Variants in NCBP2AS2 observed in about 807,000 individuals in gnomAD.
NCBP2AS2 encodes protein NCBP2AS2.
For synonymous variants in NCBP2AS2, 67 were observed against 28.0 expected (o/e 2.39, Z -4.40); for missense variants, 125 against 56.0 (o/e 2.23, Z -3.93).
Position 196,943,223 on chromosome 3 carries a change from G to GACC in NCBP2AS2, c.*207_*208insACC. On this transcript the variant is annotated 3_prime_UTR_variant, in exon 1 of 1. Transcript: ENST00000602845. ...TTGGACAAGACACAGTGTGGAGACA[G>GACC]CCCTAAGCCTAACAGAGATGAAGGT... The GACC allele has an allele frequency of 3.7e-6, 2 of 534,724 alleles. No homozygotes were observed. The highest frequency in any genetic ancestry group is 3.4e-5 in the East Asian group (1 of 29,596). The allele number at this position is 534,724 out of a possible 1,614,324, so 33.1% of individuals were successfully genotyped here. A position where few individuals can be genotyped will look rare whatever the true frequency, so the allele number is the denominator to read the frequency against.
Position 196,943,063 on chromosome 3 carries a change from C to A in NCBP2AS2, c.*47C>A. On this transcript the variant is annotated 3_prime_UTR_variant, in exon 1 of 1. Coordinates refer to ENST00000602845, the MANE Select transcript of NCBP2AS2 (RefSeq NM_001355243.2). Reference sequence around the variant, plus strand: ...GGCCGCTTGCTTTTCCTTCCGGGCTCTACAGTGGCATCAATGTGGAGGGGT... The same window carrying A: ...GGCCGCTTGCTTTTCCTTCCGGGCTATACAGTGGCATCAATGTGGAGGGGT... 1.6e-6 allele frequency: 1 copy of A among 642,860 alleles called. No homozygotes were observed. Among genetic ancestry groups the A allele is most frequent in the Non-Finnish European group, 2.7e-6 (1 of 364,346 alleles). The allele number at this position is 642,860 out of a possible 1,614,324, so 39.8% of individuals were successfully genotyped here. A position where few individuals can be genotyped will look rare whatever the true frequency, so the allele number is the denominator to read the frequency against.
chr3:196,943,514 G>A lies in NCBP2AS2; in HGVS notation c.*498G>A, dbSNP rs187414617. The A allele has an allele frequency of 1.0e-3, 159 of 154,876 alleles. 1 individual carries two copies. Among genetic ancestry groups the A allele is most frequent in the Non-Finnish European group, 1.1e-3 (75 of 69,710 alleles). The allele number at this position is 154,876 out of a possible 1,614,324, so 9.6% of individuals were successfully genotyped here. ...GAATACCGGGGACTGTAGGCCTATG[G>A]TAATAATAAACACGTATTTTATGAA... On this transcript the variant is annotated 3_prime_UTR_variant, in exon 1 of 1. Coordinates refer to ENST00000602845, the MANE Select transcript of NCBP2AS2 (RefSeq NM_001355243.2).
rs141896630 is a variant in NCBP2AS2 at position 196,943,380 on chromosome 3, G to A, written c.*364G>A. 83 of 219,130 alleles carry A rather than the reference G, an allele frequency of 3.8e-4. 1 individual carries two copies. The highest frequency in any genetic ancestry group is 1.9e-3 in the African/African-American group (80 of 42,956). 13.6% of individuals were successfully genotyped at this position (219,130 alleles called of 1,614,324 possible). On this transcript the variant is annotated 3_prime_UTR_variant, in exon 1 of 1. Transcript: ENST00000602845. Reference sequence around the variant, plus strand: ...TGGTATAGCAGGACAGTTAATTCCAGGGACGATATGGATGAAAAGACAACC... The same window carrying A: ...TGGTATAGCAGGACAGTTAATTCCAAGGACGATATGGATGAAAAGACAACC...
Position 196,943,210 on chromosome 3 carries a change from CAG to C in NCBP2AS2, c.*195_*196del, listed in dbSNP as rs1259691227. 9 of 449,866 alleles carry C rather than the reference CAG, an allele frequency of 2.0e-5. No homozygotes were observed. The highest frequency in any genetic ancestry group is 7.3e-5 in the African/African-American group (1 of 13,716). The allele number at this position is 449,866 out of a possible 1,614,324, so 27.9% of individuals were successfully genotyped here. A position where few individuals can be genotyped will look rare whatever the true frequency, so the allele number is the denominator to read the frequency against. On this transcript the variant is annotated 3_prime_UTR_variant, in exon 1 of 1. Transcript: ENST00000602845. ...TGAAGTCTTGTGATTGGACAAGACA[CAG>C]TGTGGAGACAGCCCTAAGCCTAACA...
Position 196,943,466 on chromosome 3 carries a change from A to C in NCBP2AS2, c.*450A>C, listed in dbSNP as rs555331466. ...GCTGGTTGATAGGCATGAGTGTGAT[A>C]CTTCTCAGGCAAGATGTGTTAAGAA... On this transcript the variant is annotated 3_prime_UTR_variant, in exon 1 of 1. Transcript: ENST00000602845. 10 of 168,358 alleles carry C rather than the reference A, an allele frequency of 5.9e-5. No individual in the cohort carries two copies. The highest frequency in any genetic ancestry group is 2.4e-4 in the African/African-American group (10 of 41,720). The allele number at this position is 168,358 out of a possible 1,614,324, so 10.4% of individuals were successfully genotyped here.
chr3:196,942,726 C>G lies in NCBP2AS2; in HGVS notation c.10C>G (p.Arg4Gly). Residue 4 changes from arginine (R) to glycine (G), a missense_variant, in exon 1 of 1, where the codon CGG (arginine) becomes GGG (glycine). Arg to Gly is a moderately radical substitution (Grantham distance 125). Transcript: ENST00000602845. ...CGGGCGCTTGGAGAAGATGGTGCTG[C>G]GGCGGCTGCTGGCCGCCCTGCTGCA... MVLRRLLAALLHSP... is the reference protein window; with the variant it reads MVLGRLLAALLHSP... The G allele has an allele frequency of 1.4e-6, 1 of 704,480 alleles. No individual in the cohort carries two copies. The highest frequency in any genetic ancestry group is 2.5e-6 in the Non-Finnish European group (1 of 392,482). The allele number at this position is 704,480 out of a possible 1,614,324, so 43.6% of individuals were successfully genotyped here.
chr3:196,942,690 A>G lies in NCBP2AS2; in HGVS notation c.-27A>G, dbSNP rs1034552689. ...CGCGGGGCGGAAGACGAGGGCGGCGAGGTCGGGTTCCGGGCGCTTGGAGAA... is the reference window on the plus strand; with the variant it reads ...CGCGGGGCGGAAGACGAGGGCGGCGGGGTCGGGTTCCGGGCGCTTGGAGAA... On this transcript the variant is annotated 5_prime_UTR_variant, in exon 1 of 1. Coordinates refer to ENST00000602845, the MANE Select transcript of NCBP2AS2 (RefSeq NM_001355243.2). 10 of 768,000 alleles carry G rather than the reference A, an allele frequency of 1.3e-5. No individual in the cohort carries two copies. Among genetic ancestry groups the G allele is most frequent in the African/African-American group, 1.2e-4 (7 of 57,284 alleles). 47.6% of individuals were successfully genotyped at this position (768,000 alleles called of 1,614,324 possible). A position where few individuals can be genotyped will look rare whatever the true frequency, so the allele number is the denominator to read the frequency against.
Position 196,943,182 on chromosome 3 carries a change from C to T in NCBP2AS2, c.*166C>T, listed in dbSNP as rs1314242951. 3.6e-6 allele frequency: 2 copies of T among 555,620 alleles called. No individual in the cohort carries two copies. The highest frequency in any genetic ancestry group is 3.2e-5 in the East Asian group (1 of 31,000). The allele number at this position is 555,620 out of a possible 1,614,324, so 34.4% of individuals were successfully genotyped here. On this transcript the variant is annotated 3_prime_UTR_variant, in exon 1 of 1. Transcript: ENST00000602845. The stretch of plus-strand genomic sequence containing the variant: ...AGAGCCTAGGCCAGACCGCCCGCTC[C>T]GTTGAAGTCTTGTGATTGGACAAGA...
chr3:196,942,863 C>T lies in NCBP2AS2; in HGVS notation c.147C>T (p.Arg49=). Reference sequence around the variant, plus strand: ...AGCTGCGGGGCCAGGACGCGGCCCGCCGCCTGCAGGACCTCGCGGCTGGGC... The same window carrying T: ...AGCTGCGGGGCCAGGACGCGGCCCGTCGCCTGCAGGACCTCGCGGCTGGGC... ...QAQLRGQDAA[R]RLQDLAAGPV... The change falls in exon 1 of 1, where the codon CGC becomes CGT. Residue 49 remains arginine, a synonymous_variant. Transcript: ENST00000602845. 1.4e-6 allele frequency: 1 copy of T among 697,966 alleles called. No individual in the cohort carries two copies. Among genetic ancestry groups the T allele is most frequent in the South Asian group, 1.5e-5 (1 of 67,282 alleles). The allele number at this position is 697,966 out of a possible 1,614,324, so 43.2% of individuals were successfully genotyped here.
In NCBP2AS2 at chr3:196,943,006, C is replaced by T. The variant is rs750144090; in HGVS notation, c.290C>T (p.Ala97Val). The T allele has an allele frequency of 1.9e-5, 13 of 688,084 alleles. No individual in the cohort carries two copies. The highest frequency in any genetic ancestry group is 3.2e-5 in the Non-Finnish European group (12 of 380,860). 42.6% of individuals were successfully genotyped at this position (688,084 alleles called of 1,614,324 possible). The change falls in exon 1 of 1, where the codon GCA becomes GTA. Residue 97 changes from alanine to valine, a missense_variant. Ala to Val is a moderately conservative substitution (Grantham distance 64). Coordinates refer to ENST00000602845, the MANE Select transcript of NCBP2AS2 (RefSeq NM_001355243.2). ...PPPGSQRGPGANI is the reference protein window; with the variant it reads ...PPPGSQRGPGVNI ...CCAGGTAGCCAGAGGGGCCCTGGCG[C>T]AAACATTTAATCCTGGGCTGTGCGG...
Position 196,943,155 on chromosome 3 carries a change from T to C in NCBP2AS2, c.*139T>C. ...TGTTGGCCTGCAGACATCCCACGCA[T>C]AAGAGCCTAGGCCAGACCGCCCGCT... On this transcript the variant is annotated 3_prime_UTR_variant, in exon 1 of 1. Coordinates refer to ENST00000602845, the MANE Select transcript of NCBP2AS2 (RefSeq NM_001355243.2). The C allele has an allele frequency of 1.7e-6, 1 of 582,328 alleles. No homozygotes were observed. Among genetic ancestry groups the C allele is most frequent in the Non-Finnish European group, 3.0e-6 (1 of 332,752 alleles). 36.1% of individuals were successfully genotyped at this position (582,328 alleles called of 1,614,324 possible).
Position 196,942,741 on chromosome 3 carries a change from G to T in NCBP2AS2, c.25G>T (p.Ala9Ser), listed in dbSNP as rs1039669661. The stretch of plus-strand genomic sequence containing the variant: ...GATGGTGCTGCGGCGGCTGCTGGCC[G>T]CCCTGCTGCACAGCCCGCAGCTGGT... MVLRRLLAALLHSPQLVER... is the reference protein window; with the variant it reads MVLRRLLASLLHSPQLVER... The change falls in exon 1 of 1, where the codon GCC becomes TCC. Residue 9 changes from alanine to serine, a missense_variant. Ala to Ser is a moderately conservative substitution (Grantham distance 99). Coordinates refer to ENST00000602845, the MANE Select transcript of NCBP2AS2 (RefSeq NM_001355243.2). 5.9e-5 allele frequency: 41 copies of T among 698,480 alleles called. 1 individual carries two copies. In the Admixed American group the frequency reaches 8.4e-4, roughly 14 times the overall value. The allele number at this position is 698,480 out of a possible 1,614,324, so 43.3% of individuals were successfully genotyped here. A position where few individuals can be genotyped will look rare whatever the true frequency, so the allele number is the denominator to read the frequency against.
rs537283670 is a variant in NCBP2AS2 at position 196,942,734 on chromosome 3, G to C, written c.18G>C (p.Leu6=). Residue 6 remains leucine (L), a synonymous_variant, in exon 1 of 1, where the codon CTG becomes CTC. Transcript: ENST00000602845. ...TGGAGAAGATGGTGCTGCGGCGGCT[G>C]CTGGCCGCCCTGCTGCACAGCCCGC... The part of the protein sequence containing the change: MVLRR[L]LAALLHSPQL... 4.4e-5 allele frequency: 31 copies of C among 699,388 alleles called. No individual in the cohort carries two copies. Among genetic ancestry groups the C allele is most frequent in the African/African-American group, 3.4e-4 (19 of 56,604 alleles). The allele number at this position is 699,388 out of a possible 1,614,324, so 43.3% of individuals were successfully genotyped here. A position where few individuals can be genotyped will look rare whatever the true frequency, so the allele number is the denominator to read the frequency against.
Position 196,943,093 on chromosome 3 carries a change from C to A in NCBP2AS2, c.*77C>A. The A allele has an allele frequency of 1.6e-6, 1 of 616,928 alleles. No individual in the cohort carries two copies. The allele number at this position is 616,928 out of a possible 1,614,324, so 38.2% of individuals were successfully genotyped here. ...GTGGCATCAATGTGGAGGGGTCATT[C>A]CGGGCACTGCGCGCGGCTTCGAATC... On this transcript the variant is annotated 3_prime_UTR_variant, in exon 1 of 1. Transcript: ENST00000602845.
chr3:196,943,433 A>C lies in NCBP2AS2; in HGVS notation c.*417A>C. ...ACAGCTGCCAAATTCCTTTGATTAA[A>C]TGTGTGAGCTGGTTGATAGGCATGA... On this transcript the variant is annotated 3_prime_UTR_variant, in exon 1 of 1. Transcript: ENST00000602845. The C allele has an allele frequency of 5.5e-6, 1 of 182,050 alleles. No homozygotes were observed. Among genetic ancestry groups the C allele is most frequent in the Non-Finnish European group, 1.1e-5 (1 of 88,618 alleles). 11.3% of individuals were successfully genotyped at this position (182,050 alleles called of 1,614,324 possible). A position where few individuals can be genotyped will look rare whatever the true frequency, so the allele number is the denominator to read the frequency against.
Position 196,943,285 on chromosome 3 carries a change from G to A in NCBP2AS2, c.*269G>A, listed in dbSNP as rs549367923. On this transcript the variant is annotated 3_prime_UTR_variant, in exon 1 of 1. Transcript: ENST00000602845. ...AGACACGGCACCTACGGAGAGCCACGGACCGAAGCCAGAGAGCCTTTCCTC... is the reference window on the plus strand; with the variant it reads ...AGACACGGCACCTACGGAGAGCCACAGACCGAAGCCAGAGAGCCTTTCCTC... 14 of 442,186 alleles carry A rather than the reference G, an allele frequency of 3.2e-5. No individual in the cohort carries two copies. Among genetic ancestry groups the A allele is most frequent in the African/African-American group, 2.7e-4 (13 of 47,638 alleles). 27.4% of individuals were successfully genotyped at this position (442,186 alleles called of 1,614,324 possible). A position where few individuals can be genotyped will look rare whatever the true frequency, so the allele number is the denominator to read the frequency against.
At position 196,942,989 on chromosome 3, in the gene NCBP2AS2, C is replaced by T. The variant is rs750302882; in HGVS notation, c.273C>T (p.Ser91=). The T allele has an allele frequency of 1.7e-5, 12 of 690,584 alleles. No individual in the cohort carries two copies. The highest frequency in any genetic ancestry group is 3.1e-5 in the Non-Finnish European group (12 of 381,576). The allele number at this position is 690,584 out of a possible 1,614,324, so 42.8% of individuals were successfully genotyped here. ...GCCGCTCGGGGCCACCACCAGGTAG[C>T]CAGAGGGGCCCTGGCGCAAACATTT... ...LRGRSGPPPG[S]QRGPGANI The change falls in exon 1 of 1, where the codon AGC becomes AGT. Residue 91 remains serine (S), a synonymous_variant. Coordinates refer to ENST00000602845, the MANE Select transcript of NCBP2AS2 (RefSeq NM_001355243.2).
rs537355177 is a variant in NCBP2AS2, at chr3:196,943,444, G to T, written c.*428G>T. 1 of 178,812 alleles carries T rather than the reference G, an allele frequency of 5.6e-6. No individual in the cohort carries two copies. The highest frequency in any genetic ancestry group is 2.4e-5 in the African/African-American group (1 of 41,856). 11.1% of individuals were successfully genotyped at this position (178,812 alleles called of 1,614,324 possible). Reference sequence around the variant, plus strand: ...ATTCCTTTGATTAAATGTGTGAGCTGGTTGATAGGCATGAGTGTGATACTT... The same window carrying T: ...ATTCCTTTGATTAAATGTGTGAGCTTGTTGATAGGCATGAGTGTGATACTT... On this transcript the variant is annotated 3_prime_UTR_variant, in exon 1 of 1. Coordinates refer to ENST00000602845, the MANE Select transcript of NCBP2AS2 (RefSeq NM_001355243.2).
At position 196,942,743 on chromosome 3, in the gene NCBP2AS2, C is replaced by G. The variant is rs939482275; in HGVS notation, c.27C>G (p.Ala9=). 5 of 698,670 alleles carry G rather than the reference C, an allele frequency of 7.2e-6. No homozygotes were observed. The highest frequency in any genetic ancestry group is 1.3e-5 in the Non-Finnish European group (5 of 385,430). 43.3% of individuals were successfully genotyped at this position (698,670 alleles called of 1,614,324 possible). A position where few individuals can be genotyped will look rare whatever the true frequency, so the allele number is the denominator to read the frequency against. MVLRRLLA[A]LLHSPQLVER... is the part of the protein sequence containing the mutation. The stretch of plus-strand genomic sequence containing the variant: ...TGGTGCTGCGGCGGCTGCTGGCCGC[C>G]CTGCTGCACAGCCCGCAGCTGGTGG... Residue 9 remains alanine, a synonymous_variant, in exon 1 of 1, where the codon GCC becomes GCG. Coordinates refer to ENST00000602845, the MANE Select transcript of NCBP2AS2 (RefSeq NM_001355243.2).
Sources: gnomAD v4.1 joint callset for allele counts on GRCh38, gnomAD v4.1.1 for gene constraint, MANE v1.5 for transcripts, NCBI Gene and HGNC (gene_info 2026-07-23, HGNC 2026-07-21) for gene names.